PTPRN2: variants seen among roughly 807,000 people sequenced by gnomAD.
The protein encoded by PTPRN2 is protein tyrosine phosphatase receptor type N2, also known as receptor-type tyrosine-protein phosphatase N2.
PTPRN2 carries 74 observed loss-of-function variants against 118.8 expected under a neutral mutation model. That is an observed-to-expected ratio of 0.62 (90% CI 0.52 to 0.76). PTPRN2 has a LOEUF of 0.76. Ranked by LOEUF, PTPRN2 falls within the 30% of genes least tolerant of loss-of-function variation. PTPRN2 has a pLI of 0.00. For synonymous variants in PTPRN2, 641 were observed against 608.0 expected, an observed-to-expected ratio of 1.05 and a Z score of -0.80; for missense variants, 1,481 against 1,394.4, an observed-to-expected ratio of 1.06 and a Z score of -0.99.
In PTPRN2 at chr7:158,313,015, CGT is replaced by C. The variant is rs1166194035; in HGVS notation, c.277+3802_277+3803del. On this transcript the variant is annotated intron_variant, in intron 3 of 22. Transcript: ENST00000389418. ...GTGCAGGTGAGTGTGCAGGTGTGTG[CGT>C]GTGTGGGTATCTACACATGAGCACG... is the stretch of plus-strand genomic sequence containing the variant. 6.0e-5 allele frequency among the ~76,000 whole-genome samples: 9 copies of C among 150,508 alleles called. No individual in the cohort carries two copies. In the East Asian group the frequency reaches 9.9e-4, roughly 17 times the overall value.
intron 2 of PTPRN2, among the ~76,000 whole-genome samples, chr7:158,361,379 G>C (rs1201245664): frequency 2.0e-5 from 3 of 149,024 alleles, no homozygotes; most frequent in East Asian, 2.0e-4. Flanking sequence ...ACCCACAGAC[G>C]CCATGTCCAC....
chr7:158,289,236 T>C (rs1799953561), intron 3 of PTPRN2, among the ~76,000 whole-genome samples: 1 of 152,230 alleles, frequency 6.6e-6, no homozygotes. Flanking sequence ...GAATGTTTTC[T>C]CATATTATTT....
Position 158,254,213 on chromosome 7 carries a change from C to T in PTPRN2, c.278-48940G>A, listed in dbSNP as rs569803815. On this transcript the variant is annotated intron_variant, in intron 3 of 22. Coordinates refer to ENST00000389418, the MANE Select transcript of PTPRN2 (RefSeq NM_002847.5). ...CTGCCGCCCACAGCACAACCCGCCC[C>T]CCATCTCCACGTTCAGGAGCATCCC... Among the ~76,000 whole-genome samples the T allele has an allele frequency of 3.3e-4, 12 of 36,894 alleles. 1 individual carries two copies. The highest frequency in any genetic ancestry group is 1.2e-3 in the African/African-American group (8 of 6,692). The allele number at this position is 36,894 out of a possible 152,430, so 24.2% of individuals were successfully genotyped here. A position where few individuals can be genotyped will look rare whatever the true frequency, so the allele number is the denominator to read the frequency against.
At position 158,436,233 on chromosome 7, in the gene PTPRN2, C is replaced by T. The variant is rs191440203; in HGVS notation, c.163+53502G>A. Among the ~76,000 whole-genome samples, 4 of 152,376 alleles carry T rather than the reference C, an allele frequency of 2.6e-5. No individual in the cohort carries two copies. The East Asian group carries it at 7.7e-4, about 29-fold the overall frequency. Reference sequence around the variant, plus strand: ...ACCCATTGATAGTTCCCACTGCTATCCCTGCCTGCCTTGTTTCCTGGTTTC... The same window carrying T: ...ACCCATTGATAGTTCCCACTGCTATTCCTGCCTGCCTTGTTTCCTGGTTTC... On this transcript the variant is annotated intron_variant, in intron 2 of 22. Coordinates refer to ENST00000389418, the MANE Select transcript of PTPRN2 (RefSeq NM_002847.5).
intron 11 of PTPRN2, among the ~76,000 whole-genome samples, chr7:158,044,819 C>T (rs906123094): frequency 7.2e-5 from 11 of 152,196 alleles, no homozygotes; most frequent in South Asian, 6.2e-4. Context: ...GCCAGTTCGG[C>T]GATGACTAAG....
chr7:157,542,122 C>T (rs1476703160), intron 22 of PTPRN2, among the ~76,000 whole-genome samples: 1 of 152,180 alleles, frequency 6.6e-6, no homozygotes, highest in African/African-American at 2.4e-5. Context: ...TGGGAGCTGC[C>T]CCTGTGGGGG....
At chr7:157,966,288 A>C (rs35305782) in intron 11 of PTPRN2, among the ~76,000 whole-genome samples, 16,391 of 151,946 alleles carry the variant, frequency 0.11, 1,057 homozygotes, top group South Asian at 0.19. Flanking sequence ...TTTCTCCTTC[A>C]TGTCATCACC....
In PTPRN2 at chr7:157,784,191, A is replaced by G. The variant is rs1297324229; in HGVS notation, c.1789-101254T>C. Among the ~76,000 whole-genome samples, 1 of 151,952 alleles carries G rather than the reference A, an allele frequency of 6.6e-6. No individual in the cohort carries two copies. The highest frequency in any genetic ancestry group is 2.4e-5 in the African/African-American group (1 of 41,350). On this transcript the variant is annotated intron_variant, in intron 12 of 22. Coordinates refer to ENST00000389418, the MANE Select transcript of PTPRN2 (RefSeq NM_002847.5). The surrounding 1 kb of genome is among the most constrained non-coding windows in gnomAD (Gnocchi z 4.6). ...CAACGTTAGGCCAGGGACCAATCTT[A>G]CCACGTGGCTTCTGGCCCAGAGCAG...
intron 5 of PTPRN2, among the ~76,000 whole-genome samples, chr7:158,176,051 G>A (rs1432563773): frequency 6.6e-6 from 1 of 151,912 alleles, no homozygotes; most frequent in African/African-American, 2.4e-5. Flanking sequence ...CGTGAGGCCA[G>A]CACTGCTCTC....
intron 6 of PTPRN2, among the ~76,000 whole-genome samples, chr7:158,149,297 A>G (rs569035769): frequency 6.6e-6 from 1 of 152,200 alleles, no homozygotes; most frequent in South Asian, 2.1e-4. Flanking sequence ...TTATAAAGCA[A>G]TGTCATCAAT....
chr7:157,868,114 C>G lies in PTPRN2; in HGVS notation c.1788+30559G>C, dbSNP rs958675754. Among the ~76,000 whole-genome samples the G allele has an allele frequency of 2.0e-5, 3 of 152,226 alleles. No individual in the cohort carries two copies. Among genetic ancestry groups the G allele is most frequent in the African/African-American group, 7.2e-5 (3 of 41,472 alleles). Reference sequence around the variant, plus strand: ...CATGCACCTTAGAAAGGGCCCGAAACAGTTCACGAGTGGGGTGTGGGCTGT... The same window carrying G: ...CATGCACCTTAGAAAGGGCCCGAAAGAGTTCACGAGTGGGGTGTGGGCTGT... On this transcript the variant is annotated intron_variant, in intron 12 of 22. Transcript: ENST00000389418. This position sits in a 1 kb window ranked among gnomAD's most constrained non-coding sequence, Gnocchi z 5.2.
At chr7:157,994,518 G>A (rs56114116) in intron 11 of PTPRN2, among the ~76,000 whole-genome samples, 20 of 148,936 alleles carry the variant, frequency 1.3e-4, no homozygotes, top group African/African-American at 2.2e-4. Context: ...AATCAGCACC[G>A]CATCCCCAGC....
chr7:158,473,660 T>A (rs1820032295), intron 2 of PTPRN2, among the ~76,000 whole-genome samples: 1 of 152,260 alleles, frequency 6.6e-6, no homozygotes, highest in Non-Finnish European at 1.5e-5. Flanking sequence ...AAGGACACTG[T>A]CAGCCTCAGA....
At chr7:157,543,767 C>T (rs1245834011) in intron 22 of PTPRN2, among the ~76,000 whole-genome samples, 2 of 152,354 alleles carry the variant, frequency 1.3e-5, no homozygotes, top group East Asian at 3.9e-4. Context: ...TGCGGGGCAG[C>T]TTCCCCCAGC....
intron 2 of PTPRN2, among the ~76,000 whole-genome samples, chr7:158,380,838 T>C (rs1259469040): frequency 1.3e-5 from 2 of 152,266 alleles, no homozygotes; most frequent in South Asian, 2.1e-4. Context: ...CTGAAATCTA[T>C]GCAGAGGTTC....
In PTPRN2 at chr7:157,622,799, C is replaced by CATGG. The variant is rs1803344070; in HGVS notation, c.2197-1294_2197-1291dup. Among the ~76,000 whole-genome samples, 1 of 152,202 alleles carries CATGG rather than the reference C, an allele frequency of 6.6e-6. No individual in the cohort carries two copies. Among genetic ancestry groups the CATGG allele is most frequent in the Non-Finnish European group, 1.5e-5 (1 of 68,044 alleles). On this transcript the variant is annotated intron_variant, in intron 14 of 22. Transcript: ENST00000389418. The surrounding 1 kb of genome is among the most constrained non-coding windows in gnomAD (Gnocchi z 5.3). ...CCCAGGTTGTCACTGTCACCCCCAC[C>CATGG]ATGGCCCTGCTTGAGCTAGTTGGGA... is the stretch of plus-strand genomic sequence containing the variant.
intron 10 of PTPRN2, among the ~76,000 whole-genome samples, chr7:158,109,466 T>A (rs1816015255): frequency 6.6e-6 from 1 of 151,058 alleles, no homozygotes; most frequent in Non-Finnish European, 1.5e-5. Context: ...AAAGAGACAG[T>A]GAGTGAATGA....
In PTPRN2 at chr7:158,565,581, G is replaced by C. The variant is rs537042428; in HGVS notation, c.112+21977C>G. The stretch of plus-strand genomic sequence containing the variant: ...CAAACTTCCCGTCTGGGATCTGCAG[G>C]CTTCAACAACTGTCAAAGCACGGGA... On this transcript the variant is annotated intron_variant, in intron 1 of 22. Transcript: ENST00000389418. This position sits in a 1 kb window ranked among gnomAD's most constrained non-coding sequence, Gnocchi z 4.6. 2.6e-5 allele frequency among the ~76,000 whole-genome samples: 4 copies of C among 152,312 alleles called. No individual in the cohort carries two copies. The highest frequency in any genetic ancestry group is 5.9e-5 in the Non-Finnish European group (4 of 68,024).
At chr7:158,226,126 A>G (rs898422410) in intron 3 of PTPRN2, among the ~76,000 whole-genome samples, 5 of 152,232 alleles carry the variant, frequency 3.3e-5, no homozygotes, top group African/African-American at 1.2e-4. Context: ...ATGAGCCAGC[A>G]CTATTCTAAG....
Sources: allele counts gnomAD v4.1 joint callset (sites outside exome capture counted in the v4.1 genomes callset), GRCh38; gene constraint gnomAD v4.1.1; non-coding constraint Gnocchi (gnomAD v3.1); transcripts MANE v1.5; gene names NCBI Gene and HGNC (gene_info 2026-07-23, HGNC 2026-07-21).